APBA2: variants seen among roughly 807,000 people sequenced by gnomAD.
APBA2 encodes amyloid-beta A4 precursor protein-binding family A member 2.
A neutral mutation model predicts 75.0 loss-of-function variants in APBA2; 30 were observed. The ratio of observed to expected loss-of-function variants is 0.40; its 90% confidence interval spans 0.30 to 0.54. The LOEUF (loss-of-function observed/expected upper bound fraction) is 0.54. Among genes scored for constraint, APBA2 ranks in the 20% least tolerant of loss-of-function variants. The probability of loss-of-function intolerance (pLI) is 0.49; values close to 1 mark genes in which losing one functional copy is unlikely to be tolerated. For synonymous variants in APBA2, 444 were observed against 409.6 expected, an observed-to-expected ratio of 1.08 and a Z score of -1.01; for missense variants, 801 against 1,016.1, an observed-to-expected ratio of 0.79 and a Z score of 2.88.
intron 3 of APBA2, among the ~76,000 whole-genome samples, chr15:29,005,969 A>G (rs4297649): frequency 2.7e-4 from 41 of 152,360 alleles, no homozygotes; most frequent in African/African-American, 8.9e-4. Context: ...CCACCAGCCA[A>G]CAGCATACCC....
chr15:29,007,115 G>A (rs2039158719), intron 3 of APBA2, among the ~76,000 whole-genome samples: 1 of 152,248 alleles, frequency 6.6e-6, no homozygotes. Flanking sequence ...TGACATATAT[G>A]GGCAAATGAT....
chr15:28,941,570 A>C (rs188829253), intron 2 of APBA2, among the ~76,000 whole-genome samples: 1 of 151,334 alleles, frequency 6.6e-6, no homozygotes, highest in African/African-American at 2.4e-5. Context: ...TAAAAGGCAC[A>C]CATAGTGTGT....
At chr15:28,996,457 G>A (rs915049401) in intron 3 of APBA2, among the ~76,000 whole-genome samples, 5 of 152,188 alleles carry the variant, frequency 3.3e-5, no homozygotes, top group African/African-American at 7.2e-5. Context: ...CCCTTGCCCT[G>A]TAGGACTGGT....
chr15:29,067,432 G>A (rs999468640), intron 4 of APBA2, among the ~76,000 whole-genome samples: 4 of 152,102 alleles, frequency 2.6e-5, no homozygotes, highest in African/African-American at 9.7e-5. Context: ...GGTTTCAGGA[G>A]GACATTCAAG....
At chr15:28,994,305 G>GA (rs933829135) in intron 2 of APBA2, among the ~76,000 whole-genome samples, 1 of 152,184 alleles carries the variant, frequency 6.6e-6, no homozygotes, top group Admixed American at 6.5e-5. Flanking sequence ...AGCCCATGCT[G>GA]ACTCCACTGC....
At chr15:28,924,742 C>T (rs527867579) in intron 2 of APBA2, among the ~76,000 whole-genome samples, 3 of 152,176 alleles carry the variant, frequency 2.0e-5, no homozygotes, top group African/African-American at 4.8e-5. Flanking sequence ...GTGTTAGATT[C>T]GGTATCTGTT....
intron 2 of APBA2, among the ~76,000 whole-genome samples, chr15:28,953,955 A>AGC (rs2036028058): frequency 6.6e-6 from 1 of 152,134 alleles, no homozygotes; most frequent in Non-Finnish European, 1.5e-5. Flanking sequence ...TTGCTCACCC[A>AGC]GCGCTTTCCC....
intron 3 of APBA2, among the ~76,000 whole-genome samples, chr15:29,012,301 A>T (rs2039440607): frequency 6.6e-6 from 1 of 152,116 alleles, no homozygotes; most frequent in East Asian, 1.9e-4. Flanking sequence ...GATGACCTTG[A>T]CAATTTTGAA....
chr15:28,929,007 A>G (rs923491860), intron 2 of APBA2, among the ~76,000 whole-genome samples: 71 of 152,158 alleles, frequency 4.7e-4, no homozygotes, highest in African/African-American at 1.7e-3. Flanking sequence ...TTGCAAACTC[A>G]ATTCACTGAT....
At chr15:28,994,660 G>A (rs76209853) in intron 2 of APBA2, among the ~76,000 whole-genome samples, 2,704 of 152,258 alleles carry the variant, frequency 0.018, 81 homozygotes, top group African/African-American at 0.062. Context: ...AGGAAATTTC[G>A]TAATTATAAC....
At chr15:29,012,562 T>C (rs1460508775) in intron 3 of APBA2, among the ~76,000 whole-genome samples, 1 of 152,222 alleles carries the variant, frequency 6.6e-6, no homozygotes, top group Non-Finnish European at 1.5e-5. Flanking sequence ...ACAGGGAGAT[T>C]GGTCTGTTCT....
In APBA2 at chr15:29,091,539, G is replaced by GT. The variant is rs1196539896; in HGVS notation, c.1070-1536_1070-1535insT. Reference sequence around the variant, plus strand: ...ATAGATGAGAGTTGTGAGGTTGTTTGGGGGGCATTTGGGGTCAAGAATTTA... The same window carrying GT: ...ATAGATGAGAGTTGTGAGGTTGTTTGTGGGGGCATTTGGGGTCAAGAATTTA... On this transcript the variant is annotated intron_variant, in intron 6 of 14. Coordinates refer to ENST00000683413, the MANE Select transcript of APBA2 (RefSeq NM_001353788.2). Among the ~76,000 whole-genome samples, 3 of 152,154 alleles carry GT rather than the reference G, an allele frequency of 2.0e-5. No homozygotes were observed. In the East Asian group the frequency reaches 5.8e-4, roughly 29 times the overall value.
intron 2 of APBA2, among the ~76,000 whole-genome samples, chr15:28,970,865 C>T (rs1012366037): frequency 2.6e-5 from 4 of 152,062 alleles, no homozygotes; most frequent in Middle Eastern, 3.2e-3. Flanking sequence ...GTCTCAGTGC[C>T]GCTCTTTGCC....
Position 29,022,362 on chromosome 15 carries a change from C to T in APBA2, c.-41+26556C>T, listed in dbSNP as rs552281805. On this transcript the variant is annotated intron_variant, in intron 3 of 14. Transcript: ENST00000683413. The stretch of plus-strand genomic sequence containing the variant: ...ACAGGTAATAGTGTGTTTTGCATTT[C>T]CCCGATTGGTCTTTTCCTTGATGAT... Among the ~76,000 whole-genome samples the T allele has an allele frequency of 2.0e-5, 3 of 152,114 alleles. No individual in the cohort carries two copies. In the South Asian group the frequency reaches 6.2e-4, roughly 32 times the overall value.
chr15:28,956,558 T>G (rs974404246), intron 2 of APBA2, among the ~76,000 whole-genome samples: 31 of 152,354 alleles, frequency 2.0e-4, no homozygotes, highest in Admixed American at 5.9e-4. Flanking sequence ...TTTAAAAAAT[T>G]GTGTAAAATA....
intron 14 of APBA2, 28 bp downstream of exon 14, chr15:29,114,044 G>C (rs779555761): frequency 2.5e-6 from 4 of 1,613,434 alleles, no homozygotes; most frequent in Non-Finnish European, 2.5e-6. Flanking sequence ...GTGTGCCTCT[G>C]CATGCCGGTT....
chr15:29,030,532 T>G (rs1316138026), intron 3 of APBA2, among the ~76,000 whole-genome samples: 1 of 152,084 alleles, frequency 6.6e-6, no homozygotes, highest in African/African-American at 2.4e-5. Context: ...GGAATTCTGT[T>G]TATTCAGAGA....
chr15:28,978,613 T>C (rs755708393), intron 2 of APBA2, among the ~76,000 whole-genome samples: 17 of 152,216 alleles, frequency 1.1e-4, no homozygotes, highest in Non-Finnish European at 2.4e-4. Flanking sequence ...TTTCTTTAAA[T>C]CATAGAGCTA....
At chr15:29,013,000 T>C (rs778960417) in intron 3 of APBA2, among the ~76,000 whole-genome samples, 4 of 152,150 alleles carry the variant, frequency 2.6e-5, no homozygotes, top group Admixed American at 6.5e-5. Context: ...CCTCAAGTCC[T>C]AGCTGCCTTG....
Sources: allele counts gnomAD v4.1 joint callset (sites outside exome capture counted in the v4.1 genomes callset), GRCh38; gene constraint gnomAD v4.1.1; transcripts MANE v1.5; gene names NCBI Gene and HGNC (gene_info 2026-07-23, HGNC 2026-07-21).